GNAQ: variants seen among roughly 807,000 people sequenced by gnomAD.
GNAQ encodes the protein G protein subunit alpha q.
Under a neutral mutation model 43.9 loss-of-function variants are expected in GNAQ, and 8 were observed. That is an observed-to-expected ratio of 0.18 (90% CI 0.11 to 0.33). The LOEUF is 0.33. GNAQ is among the 10% of genes least tolerant of loss of function. The pLI, the probability that GNAQ is intolerant of heterozygous loss-of-function variation, is 1.00. For synonymous variants in GNAQ, 155 were observed against 170.7 expected (o/e 0.91, Z 0.71); for missense variants, 158 against 450.8 (o/e 0.35, Z 5.88).
At chr9:77,849,747 A>G (rs1020958513) in intron 2 of GNAQ, among the ~76,000 whole-genome samples, 5 of 152,086 alleles carry the variant, frequency 3.3e-5, no homozygotes, top group African/African-American at 9.7e-5. Flanking sequence ...GCTCACTGCA[A>G]CCTCAACCTC....
At chr9:77,802,565 C>G (rs961317845) in intron 3 of GNAQ, among the ~76,000 whole-genome samples, 4 of 151,406 alleles carry the variant, frequency 2.6e-5, no homozygotes, top group African/African-American at 9.7e-5. Flanking sequence ...AAAAAAAAAC[C>G]ACACCGAGGT....
chr9:77,858,782 C>T (rs77613255), intron 2 of GNAQ, among the ~76,000 whole-genome samples: 12,527 of 151,924 alleles, frequency 0.082, 600 homozygotes, highest in South Asian at 0.17. Context: ...CACTGACCAT[C>T]TTGGCCATTC....
intron 2 of GNAQ, among the ~76,000 whole-genome samples, chr9:77,841,570 T>C (rs905772296): frequency 4.6e-5 from 7 of 152,230 alleles, no homozygotes; most frequent in Non-Finnish European, 8.8e-5. Flanking sequence ...TGCCTCCAAC[T>C]TAGCTGCATC....
chr9:77,983,646 G>A (rs540545295), intron 1 of GNAQ, among the ~76,000 whole-genome samples: 1 of 152,244 alleles, frequency 6.6e-6, no homozygotes, highest in African/African-American at 2.4e-5. Flanking sequence ...TCCCCTTACT[G>A]TGGCACAGGG....
At chr9:77,801,900 C>T (rs570224024) in intron 3 of GNAQ, among the ~76,000 whole-genome samples, 2 of 152,150 alleles carry the variant, frequency 1.3e-5, no homozygotes, top group East Asian at 1.9e-4. Flanking sequence ...TTTGGCTGGG[C>T]GCAGTGGCTC....
intron 2 of GNAQ, among the ~76,000 whole-genome samples, chr9:77,870,786 T>C (rs1318070934): frequency 2.0e-5 from 3 of 150,298 alleles, no homozygotes; most frequent in Non-Finnish European, 4.4e-5. Flanking sequence ...TACTAACCAA[T>C]AAAAAAGGAA....
At chr9:77,849,608 T>A (rs1297414482) in intron 2 of GNAQ, among the ~76,000 whole-genome samples, 1 of 152,184 alleles carries the variant, frequency 6.6e-6, no homozygotes, top group Non-Finnish European at 1.5e-5. Flanking sequence ...TGTAATCTGT[T>A]TTCCACCTCC....
At chr9:77,948,259 A>G (rs1822928932) in intron 1 of GNAQ, among the ~76,000 whole-genome samples, 1 of 152,240 alleles carries the variant, frequency 6.6e-6, no homozygotes, top group African/African-American at 2.4e-5. Context: ...GTAGTAAAAG[A>G]TAGGTAATAT....
chr9:77,827,075 T>C (rs1651678137), intron 2 of GNAQ, among the ~76,000 whole-genome samples: 3 of 152,192 alleles, frequency 2.0e-5, no homozygotes, highest in South Asian at 2.1e-4. Flanking sequence ...TTTATAGCCA[T>C]AACTGTTTTG....
intron 2 of GNAQ, among the ~76,000 whole-genome samples, chr9:77,896,016 G>C (rs141484275): frequency 1.3e-5 from 2 of 152,250 alleles, no homozygotes; most frequent in East Asian, 1.9e-4. Context: ...CCAGCAGCAT[G>C]AAAATGGACT....
At chr9:77,868,270 T>C (rs1030013892) in intron 2 of GNAQ, among the ~76,000 whole-genome samples, 1 of 152,228 alleles carries the variant, frequency 6.6e-6, no homozygotes, top group African/African-American at 2.4e-5. Flanking sequence ...TTCTTGGTGT[T>C]CAGTATTAAT....
chr9:77,879,266 T>C (rs1218990526), intron 2 of GNAQ, among the ~76,000 whole-genome samples: 1 of 152,106 alleles, frequency 6.6e-6, no homozygotes, highest in African/African-American at 2.4e-5. Context: ...TCTTTTTTAG[T>C]TTTTTTCTTT....
intron 2 of GNAQ, among the ~76,000 whole-genome samples, chr9:77,904,125 T>G (rs997375560): frequency 6.6e-6 from 1 of 152,094 alleles, no homozygotes; most frequent in Non-Finnish European, 1.5e-5. Flanking sequence ...GGCTGAACAC[T>G]TGCTAGAGCA....
intron 5 of GNAQ, among the ~76,000 whole-genome samples, chr9:77,740,714 A>C (rs1483279872): frequency 1.3e-5 from 2 of 152,082 alleles, no homozygotes; most frequent in African/African-American, 2.4e-5. Flanking sequence ...TACAGGATGA[A>C]ATTTTTTAGA....
At chr9:78,027,503 A>G (rs1295648567) in intron 1 of GNAQ, among the ~76,000 whole-genome samples, 1 of 152,174 alleles carries the variant, frequency 6.6e-6, no homozygotes, top group East Asian at 1.9e-4. Flanking sequence ...AATTCATTTC[A>G]GAAGACCAAG....
chr9:78,020,996 T>C (rs908726110), intron 1 of GNAQ, among the ~76,000 whole-genome samples: 2 of 151,524 alleles, frequency 1.3e-5, no homozygotes, highest in South Asian at 4.2e-4. Context: ...GCTCTTTCTT[T>C]GGCCACAGAG....
At chr9:77,782,862 C>G (rs1384540552) in intron 5 of GNAQ, among the ~76,000 whole-genome samples, 1 of 152,128 alleles carries the variant, frequency 6.6e-6, no homozygotes, top group African/African-American at 2.4e-5. Context: ...AAATACTTAT[C>G]AGGAGAAGCT....
At chr9:77,820,087 CA>C (rs3083136) in intron 2 of GNAQ, among the ~76,000 whole-genome samples, 9,074 of 104,942 alleles carry the variant, frequency 0.086, 285 homozygotes, top group African/African-American at 0.18. Flanking sequence ...ATTTAAAATG[CA>C]AAAAAAAAAA....
At chr9:77,989,667 G>T (rs1180323256) in intron 1 of GNAQ, among the ~76,000 whole-genome samples, 3 of 152,212 alleles carry the variant, frequency 2.0e-5, no homozygotes, top group African/African-American at 7.2e-5. Flanking sequence ...TGCAGCCAGG[G>T]CCCTGAGCTG....
Sources: gnomAD v4.1 joint callset for allele counts (sites outside exome capture counted in the v4.1 genomes callset) on GRCh38, gnomAD v4.1.1 for gene constraint, MANE v1.5 for transcripts, NCBI Gene and HGNC (gene_info 2026-07-23, HGNC 2026-07-21) for gene names.